The following IHO1 variants were observed in gnomAD, a reference collection of about 807,000 sequenced individuals.
IHO1 encodes the protein interactor of HORMAD1 protein 1.
In IHO1, 13 loss-of-function variants were observed where a neutral mutation model predicts 31.0. That is an observed-to-expected ratio of 0.42 (90% CI 0.27 to 0.67). The LOEUF (loss-of-function observed/expected upper bound fraction) is 0.67. Among genes scored for constraint, IHO1 ranks in the 30% least tolerant of loss-of-function variants. The pLI, the probability that IHO1 is intolerant of heterozygous loss-of-function variation, is 0.24. For synonymous variants in IHO1, 221 were observed against 248.4 expected (o/e 0.89, Z 1.04); for missense variants, 599 against 687.5 (o/e 0.87, Z 1.44).
At chr3:49,217,931 C>T (rs537888139) in intron 2 of IHO1, among the ~76,000 whole-genome samples, 24 of 152,330 alleles carry the variant, frequency 1.6e-4, no homozygotes, top group East Asian at 5.8e-4. Context: ...TGTCAGTTCC[C>T]GGGTCTGGGT....
At chr3:49,199,332 A>T (rs1313949326), upstream of IHO1, among the ~76,000 whole-genome samples, 1 of 151,906 alleles carries the variant, frequency 6.6e-6, no homozygotes, top group Non-Finnish European at 1.5e-5. Flanking sequence ...TGGGGACTGG[A>T]CGGAATCCCA....
chr3:49,228,645 C>T (rs537674211), intron 2 of IHO1, among the ~76,000 whole-genome samples: 7 of 152,192 alleles, frequency 4.6e-5, no homozygotes, highest in African/African-American at 9.6e-5. Flanking sequence ...ATGGTATGTC[C>T]GGAGTTTGTT....
chr3:49,244,322 G>A (rs1389255377), intron 4 of IHO1, 82 bp from the exon 5 acceptor site: 1 of 862,872 alleles, frequency 1.2e-6, no homozygotes, highest in Non-Finnish European at 1.9e-6. Flanking sequence ...GTAGAGATCT[G>A]CCATATTTAT....
At chr3:49,213,844 AG>A (rs1230124262) in intron 2 of IHO1, 1 of 196,010 alleles carries the variant, frequency 5.1e-6, no homozygotes, top group African/African-American at 2.3e-5. Context: ...CTGCAAGCAG[AG>A]GGAGCTGGCT....
intron 3 of IHO1, among the ~76,000 whole-genome samples, chr3:49,237,887 CTTTTTTTT>C (rs574951773): frequency 5.8e-5 from 3 of 51,414 alleles, no homozygotes; most frequent in African/African-American, 1.6e-4. Flanking sequence ...CTGTCTTTTC[CTTTTTTTT>C]TTTTTTTTTT....
the IHO1 span, among the ~76,000 whole-genome samples, chr3:49,193,051 A>G: frequency 6.6e-6 from 1 of 152,226 alleles, no homozygotes; most frequent in African/African-American, 2.4e-5. Context: ...AATGGGCTAC[A>G]GATATTAGAA....
chr3:49,210,957 A>G (rs1395352135), intron 1 of IHO1, among the ~76,000 whole-genome samples: 1 of 150,048 alleles, frequency 6.7e-6, no homozygotes, highest in African/African-American at 2.5e-5. Flanking sequence ...CGGTCTCCCA[A>G]AGTGCTGGGA....
Position 49,258,005 on chromosome 3 carries a change from A to G in IHO1, c.*723A>G, listed in dbSNP as rs2046843658. 1 of 152,168 alleles carries G rather than the reference A, an allele frequency of 6.6e-6. No individual in the cohort carries two copies. The highest frequency in any genetic ancestry group is 1.5e-5 in the Non-Finnish European group (1 of 68,024). The allele number at this position is 152,168 out of a possible 1,614,324, so 9.4% of individuals were successfully genotyped here. ...TGTATTTCTGAAGAGCAGTGGGCTTATATGGGACTTTGGCTTTCCATTTTT... is the reference window on the plus strand; with the variant it reads ...TGTATTTCTGAAGAGCAGTGGGCTTGTATGGGACTTTGGCTTTCCATTTTT... On this transcript the variant is annotated 3_prime_UTR_variant, in exon 8 of 8. Coordinates refer to ENST00000452691, the MANE Select transcript of IHO1 (RefSeq NM_001135197.2).
At chr3:49,243,006 G>A (rs2046650022) in intron 4 of IHO1, among the ~76,000 whole-genome samples, 1 of 152,046 alleles carries the variant, frequency 6.6e-6, no homozygotes, top group Non-Finnish European at 1.5e-5. Flanking sequence ...CAGGTACTAA[G>A]CATAGTACCC....
At chr3:49,237,597 C>T (rs2046575171) in intron 3 of IHO1, among the ~76,000 whole-genome samples, 1 of 151,358 alleles carries the variant, frequency 6.6e-6, no homozygotes, top group African/African-American at 2.4e-5. Flanking sequence ...TAGGGAGAGG[C>T]AAATATATAT....
intron 2 of IHO1, among the ~76,000 whole-genome samples, chr3:49,219,755 C>A (rs1559441721): frequency 6.6e-6 from 1 of 152,094 alleles, no homozygotes; most frequent in Non-Finnish European, 1.5e-5. Flanking sequence ...CTTAAGCAAT[C>A]CCTGTGGTGA....
Position 49,200,356 on chromosome 3 carries a change from T to G in IHO1, c.-16+783T>G, listed in dbSNP as rs987670691. On this transcript the variant is annotated intron_variant, in intron 1 of 7. Coordinates refer to ENST00000452691, the MANE Select transcript of IHO1 (RefSeq NM_001135197.2). ...GGCGCATGCCTGTAATCCCAGCTACTTGGGAGGCTGAGGCAGGAGAATCAC... is the reference window on the plus strand; with the variant it reads ...GGCGCATGCCTGTAATCCCAGCTACGTGGGAGGCTGAGGCAGGAGAATCAC... 5.3e-5 allele frequency among the ~76,000 whole-genome samples: 8 copies of G among 151,026 alleles called. 1 individual carries two copies. Among genetic ancestry groups the G allele is most frequent in the African/African-American group, 1.9e-4 (8 of 41,110 alleles).
intron 2 of IHO1, among the ~76,000 whole-genome samples, chr3:49,235,966 C>A (rs1338534159): frequency 6.7e-6 from 1 of 149,618 alleles, no homozygotes; most frequent in Non-Finnish European, 1.5e-5. Context: ...CTTGGCCCTG[C>A]ACGGTGGCTC....
At chr3:49,199,231 C>G (rs1277359355), upstream of IHO1, 1 of 152,600 alleles carries the variant, frequency 6.6e-6, no homozygotes, top group Admixed American at 6.5e-5. Context: ...TGGCGCCAGG[C>G]AGGCAGCTTG....
chr3:49,236,850 G>A (rs2046565668), intron 3 of IHO1, 128 bp downstream of exon 3: 1 of 813,636 alleles, frequency 1.2e-6, no homozygotes, highest in East Asian at 2.8e-5. Flanking sequence ...GGGAGGCTGA[G>A]GCAAGTGGAT....
chr3:49,212,163 C>CA (rs35238412), intron 2 of IHO1, among the ~76,000 whole-genome samples: 8,248 of 49,338 alleles, frequency 0.17, 570 homozygotes, highest in Non-Finnish European at 0.19. Flanking sequence ...GACTCCGTCT[C>CA]AAAAAAAAAA....
intron 2 of IHO1, among the ~76,000 whole-genome samples, chr3:49,232,542 A>G (rs1309306043): frequency 1.3e-5 from 2 of 152,220 alleles, no homozygotes; most frequent in Non-Finnish European, 2.9e-5. Context: ...GGGTGCCATC[A>G]AGACATTTAA....
At chr3:49,254,998 A>G (rs1050373276) in intron 6 of IHO1, among the ~76,000 whole-genome samples, 1 of 151,828 alleles carries the variant, frequency 6.6e-6, no homozygotes, top group Non-Finnish European at 1.5e-5. Flanking sequence ...AGGAGGGGGA[A>G]GTTGCAGTGA....
intron 1 of IHO1, among the ~76,000 whole-genome samples, chr3:49,201,654 G>A (rs1288279297): frequency 2.0e-5 from 3 of 151,744 alleles, no homozygotes; most frequent in Non-Finnish European, 2.9e-5. Context: ...GGTGGCTCAC[G>A]CCTGTAAATC....
Sources: allele counts gnomAD v4.1 joint callset (sites outside exome capture counted in the v4.1 genomes callset), GRCh38; gene constraint gnomAD v4.1.1; transcripts MANE v1.5; gene names NCBI Gene and HGNC (gene_info 2026-07-23, HGNC 2026-07-21).